The following ADARB1 variants were observed in gnomAD, a reference collection of about 807,000 sequenced individuals.
ADARB1 encodes the protein double-stranded RNA-specific editase 1.
A neutral mutation model predicts 52.4 loss-of-function variants in ADARB1; 10 were observed. That is an observed-to-expected ratio of 0.19 (90% CI 0.12 to 0.32). The LOEUF (loss-of-function observed/expected upper bound fraction) is 0.32. ADARB1 is among the 10% of genes least tolerant of loss of function. ADARB1 has a pLI of 1.00. For missense variants in ADARB1, 643 were observed against 922.3 expected, an observed-to-expected ratio of 0.70 and a Z score of 3.92; for synonymous variants, 349 against 371.1, an observed-to-expected ratio of 0.94 and a Z score of 0.68.
rs769152409 is a variant in ADARB1, at chr21:45,220,298, A to G, written c.1748-538A>G. The stretch of plus-strand genomic sequence containing the variant: ...CTCTTGTTAAGAATTAGGGTTTCCT[A>G]TTGCATCATGGATGTCACACATGCA... On this transcript the variant is annotated intron_variant, in intron 9 of 10. Coordinates refer to ENST00000348831, the MANE Select transcript of ADARB1 (RefSeq NM_001112.4). This position sits in a 1 kb window ranked among gnomAD's most constrained non-coding sequence, Gnocchi z 6.3. Among the ~76,000 whole-genome samples, 4 of 152,284 alleles carry G rather than the reference A, an allele frequency of 2.6e-5. No homozygotes were observed. The highest frequency in any genetic ancestry group is 6.5e-5 in the Admixed American group (1 of 15,296).
At chr21:45,099,626 G>A (rs922157090) in intron 1 of ADARB1, among the ~76,000 whole-genome samples, 2 of 152,112 alleles carry the variant, frequency 1.3e-5, no homozygotes, top group African/African-American at 4.8e-5. Flanking sequence ...GTGACAGAGC[G>A]AGACTCTGTC....
intron 2 of ADARB1, among the ~76,000 whole-genome samples, chr21:45,168,604 A>G (rs2091349458): frequency 1.3e-5 from 2 of 152,192 alleles, no homozygotes; most frequent in African/African-American, 2.4e-5. Flanking sequence ...TCAGTTGGAC[A>G]TATTTGTGTG....
At chr21:45,196,192 A>G (rs777628771) in intron 8 of ADARB1, among the ~76,000 whole-genome samples, 1 of 152,080 alleles carries the variant, frequency 6.6e-6, no homozygotes, top group Non-Finnish European at 1.5e-5. Context: ...TCTGCTGTTC[A>G]TTGCTGGTCA....
At chr21:45,185,594 G>A (rs2092076919) in intron 8 of ADARB1, among the ~76,000 whole-genome samples, 1 of 152,214 alleles carries the variant, frequency 6.6e-6, no homozygotes, top group Non-Finnish European at 1.5e-5. Context: ...TAGGCTTAGA[G>A]GAGGGCTCTG....
intron 1 of ADARB1, among the ~76,000 whole-genome samples, chr21:45,109,976 T>C (rs2087461272): frequency 6.6e-6 from 1 of 152,198 alleles, no homozygotes; most frequent in Non-Finnish European, 1.5e-5. Flanking sequence ...CTAGTCACGC[T>C]TCAGCTGCAA....
chr21:45,212,308 G>A (rs2092784505), intron 9 of ADARB1, among the ~76,000 whole-genome samples: 1 of 152,112 alleles, frequency 6.6e-6, no homozygotes, highest in Admixed American at 6.5e-5. Context: ...TGCTTGAAGG[G>A]TGTGACCTTG....
At chr21:45,156,425 C>CACCCATCATCTATCT in intron 2 of ADARB1, among the ~76,000 whole-genome samples, 1 of 150,178 alleles carries the variant, frequency 6.7e-6, no homozygotes, top group African/African-American at 2.5e-5. Flanking sequence ...CATCACCCAT[C>CACCCATCATCTATCT]ATCCATCATC....
chr21:45,181,180 G>A (rs1000917018), intron 5 of ADARB1, among the ~76,000 whole-genome samples: 1 of 152,154 alleles, frequency 6.6e-6, no homozygotes. Context: ...GAGGAAGCTG[G>A]GGACAGTTTC....
chr21:45,225,666 A>G lies in ADARB1; in HGVS notation c.*3469A>G. 2.0e-6 allele frequency: 2 copies of G among 1,009,414 alleles called. No individual in the cohort carries two copies. Among genetic ancestry groups the G allele is most frequent in the South Asian group, 4.0e-5 (1 of 24,828 alleles). 62.5% of individuals were successfully genotyped at this position (1,009,414 alleles called of 1,614,324 possible). A position where few individuals can be genotyped will look rare whatever the true frequency, so the allele number is the denominator to read the frequency against. On this transcript the variant is annotated 3_prime_UTR_variant, in exon 11 of 11. Coordinates refer to ENST00000348831, the MANE Select transcript of ADARB1 (RefSeq NM_001112.4). ...CATGTCTCAAAACAAACACATGTAC[A>G]GTGGCTCTTTTTCCTTCTCAAACAC...
At chr21:45,216,880 T>C (rs2092873293) in intron 9 of ADARB1, among the ~76,000 whole-genome samples, 1 of 152,034 alleles carries the variant, frequency 6.6e-6, no homozygotes, top group Non-Finnish European at 1.5e-5. Flanking sequence ...TTTGTAGCTC[T>C]GTGATTAGAT....
intron 1 of ADARB1, among the ~76,000 whole-genome samples, chr21:45,085,672 A>G (rs1414981066): frequency 6.6e-6 from 1 of 152,180 alleles, no homozygotes; most frequent in Non-Finnish European, 1.5e-5. Flanking sequence ...TTCCCTCTGC[A>G]CTTTTTGTTG....
intron 2 of ADARB1, among the ~76,000 whole-genome samples, chr21:45,136,151 T>G (rs977830363): frequency 1.3e-5 from 2 of 152,070 alleles, no homozygotes; most frequent in African/African-American, 2.4e-5. Flanking sequence ...CCCTTCTTGG[T>G]GGCCAGCTGC....
chr21:45,093,701 T>C (rs922233179), intron 1 of ADARB1, among the ~76,000 whole-genome samples: 4 of 152,170 alleles, frequency 2.6e-5, no homozygotes, highest in Non-Finnish European at 5.9e-5. Flanking sequence ...GGGGAGACTG[T>C]GCTGCAGCCT....
chr21:45,133,373 A>G (rs2089076576), intron 2 of ADARB1, among the ~76,000 whole-genome samples: 1 of 152,214 alleles, frequency 6.6e-6, no homozygotes, highest in Admixed American at 6.5e-5. Context: ...GCGTATAGGC[A>G]GGGTCTCCCC....
At position 45,208,996 on chromosome 21, in the gene ADARB1, TC is replaced by T. The variant is rs1209388881; in HGVS notation, c.1747+4262del. Among the ~76,000 whole-genome samples, 1 of 152,200 alleles carries T rather than the reference TC, an allele frequency of 6.6e-6. No homozygotes were observed. The highest frequency in any genetic ancestry group is 2.4e-5 in the African/African-American group (1 of 41,444). On this transcript the variant is annotated intron_variant, in intron 9 of 10. Coordinates refer to ENST00000348831, the MANE Select transcript of ADARB1 (RefSeq NM_001112.4). This position sits in a 1 kb window ranked among gnomAD's most constrained non-coding sequence, Gnocchi z 5.6. The stretch of plus-strand genomic sequence containing the variant: ...CGATTAAATTGTCTTTCCCCTTTCT[TC>T]CGACTGGTGGGAAGTTCTAAATCTT...
At chr21:45,168,970 CAG>C (rs1230642269) in intron 2 of ADARB1, among the ~76,000 whole-genome samples, 19 of 152,204 alleles carry the variant, frequency 1.2e-4, no homozygotes, top group Admixed American at 1.2e-3. Flanking sequence ...ACCACGGTGT[CAG>C]AGGAAGCGGG....
chr21:45,222,914 C>T lies in ADARB1; in HGVS notation c.*717C>T. On this transcript the variant is annotated 3_prime_UTR_variant, in exon 11 of 11. Coordinates refer to ENST00000348831, the MANE Select transcript of ADARB1 (RefSeq NM_001112.4). The stretch of plus-strand genomic sequence containing the variant: ...AGGCGTGACCCAGGCCCCTGTAGCC[C>T]TCAGCCTCCTCTAGAAGCTTCTGTA... 1.0e-6 allele frequency: 1 copy of T among 985,494 alleles called. No individual in the cohort carries two copies. The allele number at this position is 985,494 out of a possible 1,614,324, so 61.0% of individuals were successfully genotyped here.
intron 8 of ADARB1, among the ~76,000 whole-genome samples, chr21:45,187,067 G>A (rs528349444): frequency 7.9e-5 from 12 of 152,222 alleles, no homozygotes; most frequent in South Asian, 2.1e-4. Context: ...AAATGCCATC[G>A]TTATTTTGAT....
intron 5 of ADARB1, among the ~76,000 whole-genome samples, chr21:45,180,820 T>G (rs1005147905): frequency 3.3e-5 from 5 of 152,220 alleles, no homozygotes; most frequent in African/African-American, 1.2e-4. Flanking sequence ...TAAGTTTCAG[T>G]GTGACTTCCT....
Sources: allele counts gnomAD v4.1 joint callset (sites outside exome capture counted in the v4.1 genomes callset), GRCh38; gene constraint gnomAD v4.1.1; non-coding constraint Gnocchi (gnomAD v3.1); transcripts MANE v1.5; gene names NCBI Gene and HGNC (gene_info 2026-07-23, HGNC 2026-07-21).